PXT1: variants seen among roughly 807,000 people sequenced by gnomAD.
PXT1 encodes peroxisomal testis-specific protein 1.
In PXT1, 11 loss-of-function variants were observed where a neutral mutation model predicts 11.0. The observed-to-expected ratio is 1.00, with a 90% CI of 0.63 to 1.66. The LOEUF (loss-of-function observed/expected upper bound fraction) is 1.66, where lower values mean the gene tolerates loss of function less well. PXT1 is among the 40% of genes most tolerant of loss of function. The probability of loss-of-function intolerance (pLI) is 0.00; values close to 1 mark genes in which losing one functional copy is unlikely to be tolerated. For synonymous variants in PXT1, 43 were observed against 51.4 expected, an observed-to-expected ratio of 0.84 and a Z score of 0.70; for missense variants, 141 against 155.5, an observed-to-expected ratio of 0.91 and a Z score of 0.49.
At chr6:36,410,733 T>A (rs927785146) in intron 3 of PXT1, among the ~76,000 whole-genome samples, 2 of 152,110 alleles carry the variant, frequency 1.3e-5, no homozygotes, top group African/African-American at 4.8e-5. Flanking sequence ...AAATTAAAGG[T>A]CTCTTTGTTC....
At chr6:36,401,558 G>A (rs967264803) in intron 3 of PXT1, among the ~76,000 whole-genome samples, 1 of 150,786 alleles carries the variant, frequency 6.6e-6, no homozygotes, top group African/African-American at 2.4e-5. Flanking sequence ...GGAGGCTGGA[G>A]CGAGCTATGA....
At chr6:36,400,427 C>T (rs1178049582) in intron 4 of PXT1, 27 bp downstream of exon 4, 1 of 1,610,982 alleles carries the variant, frequency 6.2e-7, no homozygotes, top group East Asian at 2.2e-5. Flanking sequence ...ACCTGACAGG[C>T]CCTGGCTGGG....
chr6:36,426,289 A>ATCCTTATCACCTATTACC (rs1774604960), intron 2 of PXT1, among the ~76,000 whole-genome samples, 198 bp from the exon 3 acceptor site: 1 of 148,126 alleles, frequency 6.8e-6, no homozygotes, highest in African/African-American at 2.5e-5. Context: ...AGGCTGCCGC[A>ATCCTTATCACCTATTACC]TCCTTATCAC....
chr6:36,411,231 C>T (rs1398609232), intron 3 of PXT1, among the ~76,000 whole-genome samples: 1 of 152,146 alleles, frequency 6.6e-6, no homozygotes, highest in African/African-American at 2.4e-5. Context: ...GGGTGGATCA[C>T]CTGAGGTCAG....
At chr6:36,399,436 C>T (rs554276517) in intron 4 of PXT1, among the ~76,000 whole-genome samples, 2 of 152,174 alleles carry the variant, frequency 1.3e-5, no homozygotes, top group African/African-American at 4.8e-5. Flanking sequence ...CGTGAGCCAC[C>T]GCACCTGGCC....
intron 1 of PXT1, among the ~76,000 whole-genome samples, chr6:36,439,845 G>A (rs942633958): frequency 6.6e-6 from 1 of 152,190 alleles, no homozygotes; most frequent in East Asian, 1.9e-4. Flanking sequence ...GAAACCCAGC[G>A]TAACACATTT....
At position 36,426,111 on chromosome 6, in the gene PXT1, C is replaced by T; in HGVS notation, c.-9-20G>A. 1 of 1,423,708 alleles carries T rather than the reference C, an allele frequency of 7.0e-7. No homozygotes were observed. Among genetic ancestry groups the T allele is most frequent in the Non-Finnish European group, 9.4e-7 (1 of 1,063,776 alleles). The allele number at this position is 1,423,708 out of a possible 1,614,324, so 88.2% of individuals were successfully genotyped here. A position where few individuals can be genotyped will look rare whatever the true frequency, so the allele number is the denominator to read the frequency against. The stretch of plus-strand genomic sequence containing the variant: ...TTTTCCCTGTTGAAAAACATATTTT[C>T]AGAGGCTTTCCCCCATTTCTCAGTA... On this transcript the variant is annotated intron_variant, in intron 2 of 4. Transcript: ENST00000454782.
intron 2 of PXT1, among the ~76,000 whole-genome samples, chr6:36,430,283 T>C (rs1198846427): frequency 6.6e-6 from 1 of 152,320 alleles, no homozygotes; most frequent in Non-Finnish European, 1.5e-5. Context: ...CACATTTTGC[T>C]GTCTATGTGT....
At chr6:36,422,240 G>A (rs1774533007) in intron 3 of PXT1, among the ~76,000 whole-genome samples, 2 of 152,168 alleles carry the variant, frequency 1.3e-5, no homozygotes, top group Admixed American at 1.3e-4. Context: ...TGTCTCCTGA[G>A]AACTAAGGGG....
At chr6:36,429,801 G>C (rs534947706) in intron 2 of PXT1, among the ~76,000 whole-genome samples, 2 of 151,230 alleles carry the variant, frequency 1.3e-5, no homozygotes, top group South Asian at 4.2e-4. Flanking sequence ...CACCATGCTG[G>C]GCTAAGTCTT....
chr6:36,392,817 C>G (rs1774088248), intron 4 of PXT1, among the ~76,000 whole-genome samples: 1 of 152,098 alleles, frequency 6.6e-6, no homozygotes, highest in Non-Finnish European at 1.5e-5. Flanking sequence ...CCGCCTGCCC[C>G]CTGCAGTCTG....
At position 36,438,901 on chromosome 6, in the gene PXT1, A is replaced by AG. The variant is rs1447180219; in HGVS notation, c.-129-16dup. 6.6e-6 allele frequency: 1 copy of AG among 152,164 alleles called. No homozygotes were observed. The highest frequency in any genetic ancestry group is 2.4e-5 in the African/African-American group (1 of 41,442). The allele number at this position is 152,164 out of a possible 1,614,324, so 9.4% of individuals were successfully genotyped here. A position where few individuals can be genotyped will look rare whatever the true frequency, so the allele number is the denominator to read the frequency against. ...TTGGAGGTTCTCTGTTTTTAAAGAG[A>AG]GGGGGATGAAAAGTAAATTATCCCC... On this transcript the variant is annotated splice_polypyrimidine_tract_variant and intron_variant, in intron 1 of 4. Coordinates refer to ENST00000454782, the MANE Select transcript of PXT1 (RefSeq NM_152990.4).
At chr6:36,426,477 T>C (rs1774609528) in intron 2 of PXT1, among the ~76,000 whole-genome samples, 1 of 149,812 alleles carries the variant, frequency 6.7e-6, no homozygotes, top group South Asian at 2.2e-4. Context: ...TTCAAGCAAT[T>C]ATCCTGCCTC....
intron 2 of PXT1, among the ~76,000 whole-genome samples, chr6:36,434,186 A>G (rs1307163943): frequency 1.3e-5 from 2 of 152,074 alleles, no homozygotes; most frequent in African/African-American, 2.4e-5. Context: ...GAAAAAGAAA[A>G]AGAAAAGAAA....
At chr6:36,401,421 C>G (rs1360848014) in intron 3 of PXT1, among the ~76,000 whole-genome samples, 1 of 151,948 alleles carries the variant, frequency 6.6e-6, no homozygotes, top group Non-Finnish European at 1.5e-5. Flanking sequence ...ATCACTTGAG[C>G]CAGGGCAACA....
At position 36,426,104 on chromosome 6, in the gene PXT1, A is replaced by T. The variant is rs1300127063; in HGVS notation, c.-9-13T>A. The T allele has an allele frequency of 6.8e-7, 1 of 1,461,314 alleles. No individual in the cohort carries two copies. Among genetic ancestry groups the T allele is most frequent in the Non-Finnish European group, 9.1e-7 (1 of 1,095,616 alleles). 90.5% of individuals were successfully genotyped at this position (1,461,314 alleles called of 1,614,324 possible). ...TCATGTTTTTTCCCTGTTGAAAAAC[A>T]TATTTTCAGAGGCTTTCCCCCATTT... On this transcript the variant is annotated splice_polypyrimidine_tract_variant and intron_variant, in intron 2 of 4. Transcript: ENST00000454782.
intron 3 of PXT1, among the ~76,000 whole-genome samples, chr6:36,419,654 A>G (rs1774495827): frequency 6.6e-6 from 1 of 152,218 alleles, no homozygotes; most frequent in Admixed American, 6.5e-5. Flanking sequence ...CATAGGAAGT[A>G]CTCAATAGAT....
At chr6:36,426,140 A>G (rs1582268118) in intron 2 of PXT1, 49 bp from the exon 3 acceptor site, 2 of 1,164,044 alleles carry the variant, frequency 1.7e-6, no homozygotes, top group Admixed American at 5.7e-5. Flanking sequence ...CTCAGTAAAT[A>G]TTTGGTATTT....
intron 3 of PXT1, among the ~76,000 whole-genome samples, chr6:36,415,432 A>G (rs113849189): frequency 0.06 from 9,116 of 152,258 alleles, 623 homozygotes; most frequent in Admixed American, 0.17. Flanking sequence ...CGATGTAGTT[A>G]GACTCTGTCT....
Sources: gnomAD v4.1 joint callset for allele counts (sites outside exome capture counted in the v4.1 genomes callset) on GRCh38, gnomAD v4.1.1 for gene constraint, MANE v1.5 for transcripts, NCBI Gene and HGNC (gene_info 2026-07-23, HGNC 2026-07-21) for gene names.